The following ANKRD44 variants were observed in gnomAD, a reference collection of about 807,000 sequenced individuals.
ANKRD44 encodes the protein serine/threonine-protein phosphatase 6 regulatory ankyrin repeat subunit B.
A neutral mutation model predicts 116.0 loss-of-function variants in ANKRD44; 35 were observed. The ratio of observed to expected loss-of-function variants is 0.30; its 90% CI spans 0.23 to 0.40. The LOEUF (loss-of-function observed/expected upper bound fraction) is 0.40. Among genes scored for constraint, ANKRD44 ranks in the 10% least tolerant of loss-of-function variants. The pLI is 1.00. For missense variants in ANKRD44, 1,014 were observed against 1,242.6 expected, an observed-to-expected ratio of 0.82 and a Z score of 2.77; for synonymous variants, 435 against 461.8, an observed-to-expected ratio of 0.94 and a Z score of 0.74.
chr2:197,158,031 G>C (rs902559960), intron 2 of ANKRD44, among the ~76,000 whole-genome samples: 4 of 152,184 alleles, frequency 2.6e-5, no homozygotes, highest in African/African-American at 9.7e-5. Flanking sequence ...AGAGCCAGTG[G>C]AAACAGAACA....
chr2:197,016,100 C>G (rs2076387832), intron 17 of ANKRD44: 2 of 398,852 alleles, frequency 5.0e-6, no homozygotes, highest in Non-Finnish European at 9.9e-6. Context: ...GACAATTGTC[C>G]CAAATGCATT....
chr2:197,116,438 G>A (rs545235454), intron 8 of ANKRD44, among the ~76,000 whole-genome samples: 15 of 152,262 alleles, frequency 9.9e-5, no homozygotes, highest in East Asian at 1.9e-4. Context: ...GACCACCCAC[G>A]TGCTTCCTGC....
intron 17 of ANKRD44, among the ~76,000 whole-genome samples, chr2:197,018,099 A>G (rs2076426226): frequency 6.6e-6 from 1 of 152,166 alleles, no homozygotes; most frequent in Admixed American, 6.5e-5. Flanking sequence ...TTCTCACCGC[A>G]TCACCAACCT....
intron 3 of ANKRD44, among the ~76,000 whole-genome samples, chr2:197,143,182 T>A (rs1407218925): frequency 2.0e-5 from 3 of 149,052 alleles, no homozygotes; most frequent in Non-Finnish European, 3.0e-5. Context: ...GTCTTTTTTT[T>A]ATTTTTTATT....
chr2:197,197,219 A>G (rs964737229), intron 1 of ANKRD44, among the ~76,000 whole-genome samples: 10 of 152,150 alleles, frequency 6.6e-5, no homozygotes. Context: ...ACATCCAGTG[A>G]CAGATGTCAA....
At chr2:197,254,569 GTA>G (rs954122095) in intron 1 of ANKRD44, among the ~76,000 whole-genome samples, 1 of 150,334 alleles carries the variant, frequency 6.7e-6, no homozygotes, top group African/African-American at 2.5e-5. Context: ...TAGTGTGTGT[GTA>G]TATGTGTATA....
intron 16 of ANKRD44, among the ~76,000 whole-genome samples, chr2:197,032,222 C>A (rs1304888647): frequency 2.0e-5 from 3 of 152,024 alleles, no homozygotes; most frequent in Non-Finnish European, 4.4e-5. Flanking sequence ...CTCTGGCTGC[C>A]GTGTGGAAAA....
intron 16 of ANKRD44, among the ~76,000 whole-genome samples, chr2:197,049,886 T>TAATCCAATGA (rs1409263740): frequency 2.0e-5 from 3 of 152,208 alleles, no homozygotes; most frequent in African/African-American, 7.2e-5. Context: ...CCTTCTAAGC[T>TAATCCAATGA]AATCCAATGA....
intron 1 of ANKRD44, among the ~76,000 whole-genome samples, chr2:197,230,536 T>C (rs2081833563): frequency 1.3e-5 from 2 of 152,200 alleles, no homozygotes; most frequent in Non-Finnish European, 2.9e-5. Flanking sequence ...TTATGCCATG[T>C]GTAGGTCACC....
intron 1 of ANKRD44, among the ~76,000 whole-genome samples, chr2:197,289,871 T>C (rs2083511629): frequency 6.6e-6 from 1 of 151,990 alleles, no homozygotes; most frequent in Non-Finnish European, 1.5e-5. Context: ...GGTCAATTTT[T>C]CTCTTTTTTT....
At chr2:197,154,174 C>CTTTTTTTTTT (rs1034922629) in intron 2 of ANKRD44, among the ~76,000 whole-genome samples, 3 of 106,842 alleles carry the variant, frequency 2.8e-5, no homozygotes, top group Admixed American at 1.1e-4. Context: ...TATCGGCTTT[C>CTTTTTTTTTT]TTTTTTTTTT....
chr2:197,108,753 G>A (rs563350092), intron 9 of ANKRD44, among the ~76,000 whole-genome samples: 2 of 152,168 alleles, frequency 1.3e-5, no homozygotes, highest in East Asian at 1.9e-4. Flanking sequence ...CACAAGAATC[G>A]CTTGAACCCG....
At chr2:197,143,502 C>T (rs1219282613) in intron 3 of ANKRD44, among the ~76,000 whole-genome samples, 1 of 151,912 alleles carries the variant, frequency 6.6e-6, no homozygotes, top group Non-Finnish European at 1.5e-5. Flanking sequence ...TTTCCAATTT[C>T]ATCCATGTCC....
At chr2:197,262,917 A>T (rs2712872) in intron 1 of ANKRD44, among the ~76,000 whole-genome samples, 125,204 of 151,744 alleles carry the variant, frequency 0.83, 51,782 homozygotes, top group South Asian at 0.9. Context: ...AAACAAAAAC[A>T]AAAACAAAAA....
rs905392100 is a variant in ANKRD44, at chr2:197,201,941, C to T, written c.28-14835G>A. ...ACATTCATAGCCACTGTTACCTCAT[C>T]ACCATGTAACATTCCAAGGGTTTAA... is the stretch of plus-strand genomic sequence containing the variant. On this transcript the variant is annotated intron_variant, in intron 1 of 27. Coordinates refer to ENST00000282272, the MANE Select transcript of ANKRD44 (RefSeq NM_001195144.2). The surrounding 1 kb of genome is among the most constrained non-coding windows in gnomAD (Gnocchi z 4.0). Among the ~76,000 whole-genome samples the T allele has an allele frequency of 1.5e-4, 23 of 152,226 alleles. No homozygotes were observed. The highest frequency in any genetic ancestry group is 1.3e-3 in the Admixed American group (20 of 15,280).
intron 1 of ANKRD44, among the ~76,000 whole-genome samples, chr2:197,254,213 C>T (rs1241302763): frequency 2.6e-5 from 4 of 152,016 alleles, no homozygotes; most frequent in African/African-American, 9.7e-5. Flanking sequence ...ACCAACATGG[C>T]GAAACCCTAT....
chr2:197,277,362 T>G (rs1051069584), intron 1 of ANKRD44, among the ~76,000 whole-genome samples: 1 of 151,976 alleles, frequency 6.6e-6, no homozygotes, highest in African/African-American at 2.4e-5. Flanking sequence ...TGTTAAGTGC[T>G]AGAAAGAAAT....
intron 1 of ANKRD44, among the ~76,000 whole-genome samples, chr2:197,291,676 A>AT (rs559030997): frequency 2.0e-5 from 3 of 152,020 alleles, no homozygotes; most frequent in Admixed American, 6.6e-5. Flanking sequence ...TTGCTCATGT[A>AT]TTTTTTTTAA....
At chr2:197,310,536 C>T in intron 1 of ANKRD44, 42 bp downstream of exon 1, 1 of 1,069,064 alleles carries the variant, frequency 9.4e-7, no homozygotes, top group Non-Finnish European at 1.1e-6. Context: ...CCGCGCCGCC[C>T]CGCGCCCGCG....
Sources: allele counts gnomAD v4.1 joint callset (sites outside exome capture counted in the v4.1 genomes callset), GRCh38; gene constraint gnomAD v4.1.1; non-coding constraint Gnocchi (gnomAD v3.1); transcripts MANE v1.5; gene names NCBI Gene and HGNC (gene_info 2026-07-23, HGNC 2026-07-21).